The following PDPK1 variants were observed in gnomAD, a reference collection of about 807,000 sequenced individuals.
PDPK1 encodes 3-phosphoinositide-dependent protein kinase 1.
In PDPK1, 7 loss-of-function variants were observed where a neutral mutation model predicts 39.8. The observed-to-expected ratio is 0.18, with a 90% CI of 0.10 to 0.33. PDPK1 has a LOEUF of 0.33. Ranked by LOEUF, PDPK1 falls within the 10% of genes least tolerant of loss-of-function variation. The probability of loss-of-function intolerance (pLI) is 1.00; values close to 1 mark genes in which losing one functional copy is unlikely to be tolerated. For synonymous variants in PDPK1, 118 were observed against 159.1 expected (o/e 0.74, Z 1.95); for missense variants, 182 against 384.7 (o/e 0.47, Z 4.41).
At position 2,597,504 on chromosome 16, in the gene PDPK1, G is replaced by T; in HGVS notation, c.1555-147G>T. 1 of 728,130 alleles carries T rather than the reference G, an allele frequency of 1.4e-6. No homozygotes were observed. The highest frequency in any genetic ancestry group is 2.5e-6 in the Non-Finnish European group (1 of 403,858). 45.1% of individuals were successfully genotyped at this position (728,130 alleles called of 1,614,324 possible). A position where few individuals can be genotyped will look rare whatever the true frequency, so the allele number is the denominator to read the frequency against. The stretch of plus-strand genomic sequence containing the variant: ...GACTGGGGGTGGTGGTCATCAGCCT[G>T]TGTAGTTGCTTACTGCTTGTGTGAA... On this transcript the variant is annotated intron_variant, in intron 13 of 13. Coordinates refer to ENST00000342085, the MANE Select transcript of PDPK1 (RefSeq NM_002613.5). The surrounding 1 kb of genome is among the most constrained non-coding windows in gnomAD (Gnocchi z 6.3).
chr16:2,587,908 T>C (rs1344787316), intron 11 of PDPK1, among the ~76,000 whole-genome samples: 1 of 152,214 alleles, frequency 6.6e-6, no homozygotes, highest in Non-Finnish European at 1.5e-5. Context: ...TTTAATCTGG[T>C]AAGACGGGCT....
At chr16:2,587,082 G>A (rs2066892572) in intron 11 of PDPK1, among the ~76,000 whole-genome samples, 189 bp downstream of exon 11, 1 of 152,350 alleles carries the variant, frequency 6.6e-6, no homozygotes, top group Middle Eastern at 3.4e-3. Context: ...GGCTGAGTGG[G>A]TTGTGACCGC....
chr16:2,596,167 G>T (rs1204433233), intron 12 of PDPK1, among the ~76,000 whole-genome samples: 1 of 152,208 alleles, frequency 6.6e-6, no homozygotes, highest in Non-Finnish European at 1.5e-5. Context: ...TTCTTTAGAA[G>T]TGTTTCAAAA....
rs752913176 is a variant in PDPK1 at position 2,586,859 on chromosome 16, T to C, written c.1309T>C (p.Leu437=). 88 of 1,613,890 alleles carry C rather than the reference T, an allele frequency of 5.5e-5. No individual in the cohort carries two copies. Among genetic ancestry groups the C allele is most frequent in the Non-Finnish European group, 7.3e-5 (86 of 1,179,994 alleles). Residue 437 remains leucine (L), a synonymous_variant, in exon 11 of 14, where the codon TTG becomes CTG. Coordinates refer to ENST00000342085, the MANE Select transcript of PDPK1 (RefSeq NM_002613.5). The stretch of plus-strand genomic sequence containing the variant: ...ACAGTTTTCCGAAGATGAGAAGAGG[T>C]TGTTGTTGGAGAAGCAGGCTGGCGG... ...DLQFSEDEKR[L]LLEKQAGGNP... is the part of the protein sequence containing the mutation.
rs2067153594 is a variant in PDPK1 at position 2,598,716 on chromosome 16, G to A, written c.*949G>A. On this transcript the variant is annotated 3_prime_UTR_variant, in exon 14 of 14. Transcript: ENST00000342085. ...AGAGAGGCCTGAGGGCCTCCTAAAA[G>A]GTTTAAATGTCCACGCCTCTCCAGT... 1 of 233,166 alleles carries A rather than the reference G, an allele frequency of 4.3e-6. No individual in the cohort carries two copies. The highest frequency in any genetic ancestry group is 5.6e-5 in the Admixed American group (1 of 17,768). 14.4% of individuals were successfully genotyped at this position (233,166 alleles called of 1,614,324 possible).
rs2067177581 is a variant in PDPK1, at chr16:2,599,758, G to A, written c.*1991G>A. 1 of 182,658 alleles carries A rather than the reference G, an allele frequency of 5.5e-6. No homozygotes were observed. Among genetic ancestry groups the A allele is most frequent in the Non-Finnish European group, 1.1e-5 (1 of 91,478 alleles). 11.3% of individuals were successfully genotyped at this position (182,658 alleles called of 1,614,324 possible). On this transcript the variant is annotated 3_prime_UTR_variant, in exon 14 of 14. Coordinates refer to ENST00000342085, the MANE Select transcript of PDPK1 (RefSeq NM_002613.5). ...ATCTCAGAACGTCCTGTGTCTCCAT[G>A]TAGGAGAGTGGCTCTCTCAGATCTC...
Position 2,601,990 on chromosome 16 carries a change from T to C in PDPK1, c.*4223T>C, listed in dbSNP as rs1178012484. On this transcript the variant is annotated 3_prime_UTR_variant, in exon 14 of 14. Transcript: ENST00000342085. Reference sequence around the variant, plus strand: ...TGCTGCTTCACTCTACCAGAGATTATGGCCAAATTGCACGGAATTTGGTTT... The same window carrying C: ...TGCTGCTTCACTCTACCAGAGATTACGGCCAAATTGCACGGAATTTGGTTT... 4 of 233,510 alleles carry C rather than the reference T, an allele frequency of 1.7e-5. No individual in the cohort carries two copies. Among genetic ancestry groups the C allele is most frequent in the Non-Finnish European group, 2.6e-5 (3 of 117,472 alleles). The allele number at this position is 233,510 out of a possible 1,614,324, so 14.5% of individuals were successfully genotyped here.
chr16:2,539,995 CAT>C (rs2066214910), intron 1 of PDPK1, among the ~76,000 whole-genome samples: 1 of 152,232 alleles, frequency 6.6e-6, no homozygotes, highest in African/African-American at 2.4e-5. Context: ...TGGATTTCCA[CAT>C]GAGGAAGTGT....
chr16:2,588,844 T>A (rs1055867843), intron 11 of PDPK1, among the ~76,000 whole-genome samples: 1 of 152,170 alleles, frequency 6.6e-6, no homozygotes, highest in Non-Finnish European at 1.5e-5. Context: ...GTTATTTGCC[T>A]TTTTGCTGTC....
intron 1 of PDPK1, among the ~76,000 whole-genome samples, chr16:2,550,328 A>G (rs2066391148): frequency 7.9e-6 from 1 of 126,372 alleles, no homozygotes; most frequent in South Asian, 2.9e-4. Context: ...TAAAGAATGA[A>G]AATAAACTCA....
chr16:2,545,957 G>T (rs2066336302), intron 1 of PDPK1, among the ~76,000 whole-genome samples: 1 of 152,124 alleles, frequency 6.6e-6, no homozygotes, highest in Non-Finnish European at 1.5e-5. Context: ...TAAAATATGA[G>T]GGTAGTTGTC....
chr16:2,544,080 T>G (rs574428863), intron 1 of PDPK1, among the ~76,000 whole-genome samples: 5 of 152,154 alleles, frequency 3.3e-5, no homozygotes, highest in African/African-American at 1.2e-4. Context: ...AAAAAAAGTC[T>G]GTGCATGTTC....
At chr16:2,585,253 T>G (rs2066843596) in intron 10 of PDPK1, among the ~76,000 whole-genome samples, 1 of 152,182 alleles carries the variant, frequency 6.6e-6, no homozygotes, top group Admixed American at 6.5e-5. Flanking sequence ...CCAGGCTCCA[T>G]TTGTTGGCAG....
intron 11 of PDPK1, chr16:2,592,451 G>C: frequency 3.4e-6 from 1 of 291,230 alleles, no homozygotes; most frequent in South Asian, 2.9e-5. Context: ...TTTTCTGCAG[G>C]AGACAGTAGA....
chr16:2,602,720 A>G lies in PDPK1; in HGVS notation c.*4953A>G, dbSNP rs537496663. 23 of 234,820 alleles carry G rather than the reference A, an allele frequency of 9.8e-5. No individual in the cohort carries two copies. Among genetic ancestry groups the G allele is most frequent in the Admixed American group, 1.7e-4 (3 of 17,798 alleles). The allele number at this position is 234,820 out of a possible 1,614,324, so 14.5% of individuals were successfully genotyped here. ...CGTCTTTCAGGTGGGTGGCAAGCAG[A>G]ACATGCGTAATATTCTCTACCTGGT... On this transcript the variant is annotated 3_prime_UTR_variant, in exon 14 of 14. Coordinates refer to ENST00000342085, the MANE Select transcript of PDPK1 (RefSeq NM_002613.5).
intron 11 of PDPK1, chr16:2,592,596 A>G: frequency 5.6e-6 from 2 of 359,074 alleles, no homozygotes; most frequent in South Asian, 4.1e-5. Flanking sequence ...AATCGCTTGA[A>G]CCCAGGAGGC....
chr16:2,590,221 A>T (rs2066961449), intron 11 of PDPK1, among the ~76,000 whole-genome samples: 4 of 152,058 alleles, frequency 2.6e-5, no homozygotes, highest in Admixed American at 2.0e-4. Flanking sequence ...CCTGGGCTTA[A>T]GCAGTTCTCC....
intron 11 of PDPK1, chr16:2,592,846 C>T (rs1204200931): frequency 1.1e-5 from 5 of 456,594 alleles, no homozygotes; most frequent in Non-Finnish European, 2.2e-5. Context: ...GTGGAATTGT[C>T]CATTTCATTG....
At chr16:2,553,144 C>T (rs2066447207) in intron 1 of PDPK1, among the ~76,000 whole-genome samples, 1 of 139,950 alleles carries the variant, frequency 7.1e-6, no homozygotes, top group Non-Finnish European at 1.5e-5. Context: ...TTTTGGTGGA[C>T]TTCTCTTGTG....
Sources: gnomAD v4.1 joint callset for allele counts (sites outside exome capture counted in the v4.1 genomes callset) on GRCh38, gnomAD v4.1.1 for gene constraint, Gnocchi (gnomAD v3.1) non-coding constraint, MANE v1.5 for transcripts, NCBI Gene and HGNC (gene_info 2026-07-23, HGNC 2026-07-21) for gene names.